Variants in SIMC1 observed in about 807,000 individuals in gnomAD.
SIMC1 encodes SUMO-interacting motif-containing protein 1.
Under a neutral mutation model 82.3 loss-of-function variants are expected in SIMC1, and 55 were observed. The observed-to-expected ratio is 0.67, with a 90% confidence interval of 0.54 to 0.84. SIMC1 has a LOEUF of 0.84. Ranked by LOEUF, SIMC1 falls within the 40% of genes least tolerant of loss-of-function variation. The pLI, the probability that SIMC1 is intolerant of heterozygous loss-of-function variation, is 0.00. For synonymous variants in SIMC1, 353 were observed against 426.3 expected, an observed-to-expected ratio of 0.83 and a Z score of 2.12; for missense variants, 915 against 1,107.2, an observed-to-expected ratio of 0.83 and a Z score of 2.46.
At chr5:176,293,787 A>G (rs551741205) in intron 2 of SIMC1, among the ~76,000 whole-genome samples, 2 of 152,074 alleles carry the variant, frequency 1.3e-5, no homozygotes, top group East Asian at 3.9e-4. Flanking sequence ...ATTTATTGTT[A>G]TTAAACCCTC....
At chr5:176,274,318 T>C (rs1051872976) in intron 1 of SIMC1, among the ~76,000 whole-genome samples, 2 of 148,782 alleles carry the variant, frequency 1.3e-5, no homozygotes, top group African/African-American at 4.9e-5. Context: ...GAGAAGTGTC[T>C]GTTCATGTCC....
intron 1 of SIMC1, among the ~76,000 whole-genome samples, chr5:176,245,938 CT>C (rs911924405): frequency 3.3e-5 from 5 of 151,224 alleles, no homozygotes; most frequent in African/African-American, 1.2e-4. Flanking sequence ...TTTGCAGAGC[CT>C]TTTGTGGTAC....
rs1369128471 is a variant in SIMC1, at chr5:176,306,299, G to GC, written c.1735-7386dup. Reference sequence around the variant, plus strand: ...GTCCGGGAGGGAGGTGGGGGGGTCAGCCCCCCGTCCGGCCAGCCGCCCCAT... The same window carrying GC: ...GTCCGGGAGGGAGGTGGGGGGGTCAGCCCCCCCGTCCGGCCAGCCGCCCCAT... On this transcript the variant is annotated intron_variant, in intron 4 of 9. Coordinates refer to ENST00000429602, the MANE Select transcript of SIMC1 (RefSeq NM_001308195.2). 6.8e-5 allele frequency among the ~76,000 whole-genome samples: 9 copies of GC among 132,116 alleles called. 1 individual carries two copies. The South Asian group carries it at 1.5e-3, about 22-fold the overall frequency. 86.7% of individuals were successfully genotyped at this position (132,116 alleles called of 152,430 possible). A position where few individuals can be genotyped will look rare whatever the true frequency, so the allele number is the denominator to read the frequency against.
chr5:176,261,427 A>G (rs1322775865), intron 1 of SIMC1, among the ~76,000 whole-genome samples: 2 of 152,190 alleles, frequency 1.3e-5, no homozygotes, highest in Middle Eastern at 3.2e-3. Flanking sequence ...AATGCTTTTT[A>G]AAATTTAAAT....
In SIMC1 at chr5:176,345,182, G is replaced by T; in HGVS notation, c.2414-1G>T. 2 of 1,610,290 alleles carry T rather than the reference G, an allele frequency of 1.2e-6. No homozygotes were observed. The highest frequency in any genetic ancestry group is 2.2e-5 in the South Asian group (2 of 90,676). ...CCAACTGACTTTTTTCCCTCTTGCAGAACACTTAAGGAGTTCCGTGATCGA... is the reference window on the plus strand; with the variant it reads ...CCAACTGACTTTTTTCCCTCTTGCATAACACTTAAGGAGTTCCGTGATCGA... On this transcript the variant is annotated splice_acceptor_variant, in intron 9 of 9. Coordinates refer to ENST00000429602, the MANE Select transcript of SIMC1 (RefSeq NM_001308195.2). LOFTEE classifies it high-confidence loss of function.
At chr5:176,304,653 C>G (rs1466401337) in intron 4 of SIMC1, among the ~76,000 whole-genome samples, 15 of 146,540 alleles carry the variant, frequency 1.0e-4, no homozygotes, top group Admixed American at 4.1e-4. Flanking sequence ...CGCCCATCGT[C>G]TGGGATGTGA....
At chr5:176,333,133 G>A (rs540820423) in intron 7 of SIMC1, among the ~76,000 whole-genome samples, 12 of 152,044 alleles carry the variant, frequency 7.9e-5, no homozygotes, top group South Asian at 2.1e-4. Flanking sequence ...GTGAAACCCC[G>A]TCTCTACTAA....
At chr5:176,332,788 A>G (rs1029059538) in intron 7 of SIMC1, among the ~76,000 whole-genome samples, 3 of 152,060 alleles carry the variant, frequency 2.0e-5, no homozygotes, top group East Asian at 1.9e-4. Flanking sequence ...TCTTTTTCCA[A>G]TTTCCCCCAA....
intron 2 of SIMC1, among the ~76,000 whole-genome samples, chr5:176,294,115 C>T (rs1254828445): frequency 6.6e-6 from 1 of 152,086 alleles, no homozygotes; most frequent in Non-Finnish European, 1.5e-5. Context: ...CTCTAGTTAC[C>T]CTCACCCCAA....
At chr5:176,306,432 A>G (rs1242156458) in intron 4 of SIMC1, among the ~76,000 whole-genome samples, 1 of 130,196 alleles carries the variant, frequency 7.7e-6, no homozygotes, top group Admixed American at 7.6e-5. Context: ...CTCATTGAGA[A>G]CGGGCCAGGA....
rs540695431 is a variant in SIMC1 at position 176,325,643 on chromosome 5, G to A, written c.2171+886G>A. 5.4e-5 allele frequency among the ~76,000 whole-genome samples: 8 copies of A among 149,528 alleles called. 1 individual carries two copies. Among genetic ancestry groups the A allele is most frequent in the African/African-American group, 1.7e-4 (7 of 40,516 alleles). ...GGAGCTTGCAGTGAGCTGAGATGGC[G>A]CCACTGCACTCTAGCCTGGGTGACA... On this transcript the variant is annotated intron_variant, in intron 7 of 9. Coordinates refer to ENST00000429602, the MANE Select transcript of SIMC1 (RefSeq NM_001308195.2).
intron 1 of SIMC1, among the ~76,000 whole-genome samples, chr5:176,248,338 T>G (rs1325028401): frequency 6.6e-6 from 1 of 152,082 alleles, no homozygotes; most frequent in Non-Finnish European, 1.5e-5. Flanking sequence ...TTGTAAGTTG[T>G]ATTCCTAGGT....
rs61737501 is a variant in SIMC1, at chr5:176,308,440, A to G, written c.1735-5251A>G. 1.1e-3 allele frequency: 1,815 copies of G among 1,608,022 alleles called. 9 individuals are homozygous for G. The African/African-American group carries it at 0.021, about 19-fold the overall frequency. On this transcript the variant is annotated intron_variant, in intron 4 of 9. Transcript: ENST00000429602. The stretch of plus-strand genomic sequence containing the variant: ...GTGGGCTGGTATCATTCCCATCCTC[A>G]TATAACTGTTTGGCCTTCACATGTT...
At chr5:176,318,720 G>A (rs896116118) in intron 5 of SIMC1, among the ~76,000 whole-genome samples, 1 of 152,212 alleles carries the variant, frequency 6.6e-6, no homozygotes, top group Non-Finnish European at 1.5e-5. Flanking sequence ...TTGATAATTA[G>A]ACTGAGGATA....
intron 1 of SIMC1, among the ~76,000 whole-genome samples, chr5:176,268,260 T>C (rs1179535700): frequency 1.8e-4 from 17 of 96,494 alleles, no homozygotes; most frequent in African/African-American, 6.7e-4. Context: ...AAATAATGGA[T>C]AGAAGAAATA....
rs151327906 is a variant in SIMC1 at position 176,322,294 on chromosome 5, C to G, written c.1911C>G (p.Val637=). 60 of 1,566,726 alleles carry G rather than the reference C, an allele frequency of 3.8e-5. No homozygotes were observed. In the African/African-American group the frequency reaches 7.5e-4, roughly 19 times the overall value. The change falls in exon 6 of 10, where the codon GTC becomes GTG. Residue 637 remains valine, a synonymous_variant. Transcript: ENST00000429602. ...ACAGGGATGTTATCAAGTGGCTGGT[C>G]AAAGCAGTAACTGAAGATGGATTGA... ...HNVRDVIKWL[V]KAVTEDGLTQ...
chr5:176,342,695 T>G (rs1186511812), intron 9 of SIMC1, among the ~76,000 whole-genome samples: 1 of 152,232 alleles, frequency 6.6e-6, no homozygotes, highest in East Asian at 1.9e-4. Context: ...CTTTGACCTT[T>G]GCATGGTTGC....
intron 1 of SIMC1, among the ~76,000 whole-genome samples, chr5:176,245,480 T>G (rs920579970): frequency 2.2e-4 from 33 of 152,222 alleles, no homozygotes; most frequent in Non-Finnish European, 4.7e-4. Flanking sequence ...TCCACCTAGT[T>G]TCTGGTAATT....
At chr5:176,325,036 A>C (rs1445569358) in intron 7 of SIMC1, among the ~76,000 whole-genome samples, 1 of 152,184 alleles carries the variant, frequency 6.6e-6, no homozygotes, top group African/African-American at 2.4e-5. Context: ...ATGGAGGCTA[A>C]ATTTTCTAAC....
Sources: gnomAD v4.1 joint callset for allele counts (sites outside exome capture counted in the v4.1 genomes callset) on GRCh38, gnomAD v4.1.1 for gene constraint, MANE v1.5 for transcripts, NCBI Gene and HGNC (gene_info 2026-07-23, HGNC 2026-07-21) for gene names.